Variants in EYS observed in about 807,000 individuals in gnomAD.
EYS encodes the protein protein eyes shut homolog.
A neutral mutation model predicts 282.1 loss-of-function variants in EYS; 250 were observed. The observed-to-expected ratio is 0.89, with a 90% CI of 0.80 to 0.98. The LOEUF (loss-of-function observed/expected upper bound fraction) is 0.98. Among genes scored for constraint, EYS ranks in the 50% least tolerant of loss-of-function variants. The pLI is 0.00. For synonymous variants in EYS, 1,355 were observed against 1,282.9 expected (o/e 1.06, Z -1.20); for missense variants, 4,016 against 3,709.0 (o/e 1.08, Z -2.15).
chr6:65,129,670 C>T (rs1775813578), intron 12 of EYS, among the ~76,000 whole-genome samples: 1 of 151,778 alleles, frequency 6.6e-6, no homozygotes, highest in Non-Finnish European at 1.5e-5. Context: ...TAACAGGTTA[C>T]CTCTGAGGCT....
intron 2 of EYS, among the ~76,000 whole-genome samples, chr6:65,542,954 C>G (rs1768226500): frequency 6.6e-6 from 1 of 152,062 alleles, no homozygotes; most frequent in South Asian, 2.1e-4. Context: ...TTGCACAAAC[C>G]ACATGAAAAA....
chr6:64,793,943 T>A (rs1291175362), intron 22 of EYS, among the ~76,000 whole-genome samples: 1 of 152,164 alleles, frequency 6.6e-6, no homozygotes, highest in Non-Finnish European at 1.5e-5. Context: ...TCTCTAGAAC[T>A]TATTTATTTT....
chr6:64,878,107 C>G lies in EYS; in HGVS notation c.2992+8590G>C, dbSNP rs140870977. Among the ~76,000 whole-genome samples the G allele has an allele frequency of 5.3e-3, 807 of 152,068 alleles. 8 individuals carry two copies. Among genetic ancestry groups the G allele is most frequent in the African/African-American group, 0.018 (761 of 41,492 alleles). Reference sequence around the variant, plus strand: ...AATTAGCTGGGTGTGGTGGCGAGCACCCGTAATCCCAGCTACTTGGGAGGC... The same window carrying G: ...AATTAGCTGGGTGTGGTGGCGAGCAGCCGTAATCCCAGCTACTTGGGAGGC... On this transcript the variant is annotated intron_variant, in intron 19 of 42. Transcript: ENST00000503581.
chr6:64,141,825 G>GTGT (rs1234461369), intron 31 of EYS, among the ~76,000 whole-genome samples: 1 of 152,088 alleles, frequency 6.6e-6, no homozygotes, highest in Non-Finnish European at 1.5e-5. Context: ...GGTGTTTTAT[G>GTGT]TGTGGAAGTC....
intron 22 of EYS, among the ~76,000 whole-genome samples, chr6:64,655,192 A>G (rs551088751): frequency 2.0e-5 from 3 of 152,222 alleles, no homozygotes; most frequent in Non-Finnish European, 4.4e-5. Context: ...TAGACCTGCC[A>G]GAAATTTTTT....
chr6:64,782,710 T>A (rs566555771), intron 22 of EYS, among the ~76,000 whole-genome samples: 1 of 152,322 alleles, frequency 6.6e-6, no homozygotes, highest in East Asian at 1.9e-4. Flanking sequence ...ATTATATTAA[T>A]CTCAAGATGA....
chr6:64,034,252 C>T (rs1030321067), intron 33 of EYS, among the ~76,000 whole-genome samples: 1 of 152,114 alleles, frequency 6.6e-6, no homozygotes, highest in Non-Finnish European at 1.5e-5. Context: ...TTAATACCAC[C>T]ACTACTAGTA....
At chr6:65,110,888 G>A (rs1004021521) in intron 12 of EYS, among the ~76,000 whole-genome samples, 9 of 151,928 alleles carry the variant, frequency 5.9e-5, no homozygotes, top group South Asian at 2.1e-4. Flanking sequence ...TAATAACTCC[G>A]GTTATAGCAT....
intron 28 of EYS, among the ~76,000 whole-genome samples, chr6:64,400,073 G>A (rs1773495520): frequency 6.6e-6 from 1 of 151,864 alleles, no homozygotes; most frequent in Non-Finnish European, 1.5e-5. Flanking sequence ...AAAGGATTTT[G>A]GGGAAAAGTG....
At chr6:64,552,024 C>T (rs1473541759) in intron 26 of EYS, among the ~76,000 whole-genome samples, 2 of 152,090 alleles carry the variant, frequency 1.3e-5, no homozygotes, top group African/African-American at 4.8e-5. Flanking sequence ...CCCACCTTGG[C>T]CTCCCAAAGC....
chr6:65,542,020 A>C (rs1379696793), intron 2 of EYS, among the ~76,000 whole-genome samples: 2 of 152,168 alleles, frequency 1.3e-5, no homozygotes, highest in African/African-American at 4.8e-5. Flanking sequence ...GAGCTTACAC[A>C]AATCAAATTA....
At chr6:64,228,207 T>C (rs1183364610) in intron 31 of EYS, among the ~76,000 whole-genome samples, 1 of 152,130 alleles carries the variant, frequency 6.6e-6, no homozygotes, top group African/African-American at 2.4e-5. Flanking sequence ...GCTTTCTTTA[T>C]GACAGAAAGA....
rs1260070427 is a variant in EYS, at chr6:65,335,266, A to C, written c.1600-120T>G. ...GTCTACTAAGATGAAACCTAGGGTT[A>C]AGGAAACAGAAGGTAACTATTGGAC... On this transcript the variant is annotated intron_variant, in intron 10 of 42. Transcript: ENST00000503581. 3 of 744,092 alleles carry C rather than the reference A, an allele frequency of 4.0e-6. No homozygotes were observed. The African/African-American group carries it at 5.2e-5, about 13-fold the overall frequency. 46.1% of individuals were successfully genotyped at this position (744,092 alleles called of 1,614,324 possible). A position where few individuals can be genotyped will look rare whatever the true frequency, so the allele number is the denominator to read the frequency against.
rs1046447869 is a variant in EYS at position 64,230,672 on chromosome 6, T to C, written c.6344A>G (p.His2115Arg). Residue 2115 changes from histidine (H) to arginine (R), a missense_variant, in exon 31 of 43, where the codon CAT (histidine) becomes CGT (arginine). Coordinates refer to ENST00000503581, the MANE Select transcript of EYS (RefSeq NM_001142800.2). ...QDVCHNGGTC[H>R]AIFLSSGIVS... ...TATGCCACTGGAGAGGAAGATGGCATGGCATGTGCCTCCATTGTGGCATAC... is the reference window on the plus strand; with the variant it reads ...TATGCCACTGGAGAGGAAGATGGCACGGCATGTGCCTCCATTGTGGCATAC... 5 of 1,551,456 alleles carry C rather than the reference T, an allele frequency of 3.2e-6. No individual in the cohort carries two copies. The highest frequency in any genetic ancestry group is 4.4e-6 in the Non-Finnish European group (5 of 1,146,918).
intron 24 of EYS, among the ~76,000 whole-genome samples, chr6:64,612,889 G>T (rs925188607): frequency 6.6e-6 from 1 of 152,022 alleles, no homozygotes; most frequent in Non-Finnish European, 1.5e-5. Flanking sequence ...GGAAAAAAGT[G>T]CCATTTTTCT....
chr6:64,765,796 C>T (rs184020794), intron 22 of EYS, among the ~76,000 whole-genome samples: 73 of 152,022 alleles, frequency 4.8e-4, no homozygotes, highest in African/African-American at 1.7e-3. Context: ...AGGAAATCTG[C>T]CCCCCATGAT....
intron 5 of EYS, among the ~76,000 whole-genome samples, chr6:65,430,634 G>C (rs752915995): frequency 3.3e-5 from 5 of 152,098 alleles, no homozygotes; most frequent in Non-Finnish European, 7.4e-5. Context: ...CTTTCCTTCT[G>C]CTTGAGCAGA....
At chr6:65,009,241 AC>A (rs1447782589) in intron 13 of EYS, among the ~76,000 whole-genome samples, 1 of 152,128 alleles carries the variant, frequency 6.6e-6, no homozygotes, top group Admixed American at 6.6e-5. Context: ...CTGAGGCCCA[AC>A]AAGAACTCCA....
At chr6:64,304,357 C>G (rs988295947) in intron 30 of EYS, among the ~76,000 whole-genome samples, 1 of 152,064 alleles carries the variant, frequency 6.6e-6, no homozygotes, top group South Asian at 2.1e-4. Context: ...AATTAAATAG[C>G]CACTCTCAAT....
Sources: gnomAD v4.1 joint callset for allele counts (sites outside exome capture counted in the v4.1 genomes callset) on GRCh38, gnomAD v4.1.1 for gene constraint, MANE v1.5 for transcripts, NCBI Gene and HGNC (gene_info 2026-07-23, HGNC 2026-07-21) for gene names.